Variants in TMEM132D observed in about 807,000 individuals in gnomAD.
TMEM132D encodes the protein mature OL transmembrane protein.
In TMEM132D, 21 loss-of-function variants were observed where a neutral mutation model predicts 62.3. The observed-to-expected ratio is 0.34, with a 90% confidence interval of 0.24 to 0.49. TMEM132D has a LOEUF of 0.49. TMEM132D is among the 20% of genes least tolerant of loss of function. TMEM132D has a pLI of 0.99. For synonymous variants in TMEM132D, 621 were observed against 575.6 expected (o/e 1.08, Z -1.13); for missense variants, 1,346 against 1,402.8 (o/e 0.96, Z 0.65).
intron 5 of TMEM132D, among the ~76,000 whole-genome samples, chr12:129,189,961 G>T (rs1878337214): frequency 6.6e-6 from 1 of 151,892 alleles, no homozygotes; most frequent in Non-Finnish European, 1.5e-5. Flanking sequence ...CTTAAAAGTG[G>T]AAGAGGGAGG....
chr12:129,112,726 A>T (rs1164568121), intron 5 of TMEM132D, among the ~76,000 whole-genome samples: 1 of 152,208 alleles, frequency 6.6e-6, no homozygotes, highest in Non-Finnish European at 1.5e-5. Context: ...ACACTAGGAG[A>T]CTAGGAGTGC....
chr12:129,324,011 A>AT (rs1406992338), intron 4 of TMEM132D, among the ~76,000 whole-genome samples: 2 of 151,726 alleles, frequency 1.3e-5, no homozygotes, highest in African/African-American at 2.4e-5. Flanking sequence ...CTGTCCTGTG[A>AT]TTTTTTGGCT....
In TMEM132D at chr12:129,841,381, T is replaced by C. The variant is rs550141410; in HGVS notation, c.79+61880A>G. Among the ~76,000 whole-genome samples, 138 of 152,332 alleles carry C rather than the reference T, an allele frequency of 9.1e-4. 1 individual carries two copies. The highest frequency in any genetic ancestry group is 3.0e-3 in the African/African-American group (125 of 41,562). On this transcript the variant is annotated intron_variant, in intron 1 of 8. Coordinates refer to ENST00000422113, the MANE Select transcript of TMEM132D (RefSeq NM_133448.3). ...CCCTCGTAAGATTGTCTAATTAGATTGAATGAGTTTTTATTTCATTCATTC... is the reference window on the plus strand; with the variant it reads ...CCCTCGTAAGATTGTCTAATTAGATCGAATGAGTTTTTATTTCATTCATTC...
chr12:129,171,896 T>C (rs1268662690), intron 5 of TMEM132D, among the ~76,000 whole-genome samples: 1 of 152,182 alleles, frequency 6.6e-6, no homozygotes, highest in Non-Finnish European at 1.5e-5. Flanking sequence ...ATTTGGGGAA[T>C]GCTAAATGAG....
At chr12:129,484,488 C>T (rs772991444) in intron 3 of TMEM132D, among the ~76,000 whole-genome samples, 23 of 152,154 alleles carry the variant, frequency 1.5e-4, no homozygotes, top group Non-Finnish European at 3.1e-4. Flanking sequence ...CTAGAAAGGT[C>T]GCAAAGATTC....
At chr12:129,499,743 G>A (rs1875070729) in intron 3 of TMEM132D, among the ~76,000 whole-genome samples, 1 of 152,214 alleles carries the variant, frequency 6.6e-6, no homozygotes, top group African/African-American at 2.4e-5. Flanking sequence ...GGTTAAATAT[G>A]AGGAAGGAAT....
intron 1 of TMEM132D, among the ~76,000 whole-genome samples, chr12:129,740,498 A>T (rs541899478): frequency 3.0e-4 from 45 of 152,330 alleles, no homozygotes; most frequent in African/African-American, 1.1e-3. Context: ...TTCTTCTCTC[A>T]TGATACACAT....
At chr12:129,754,435 C>T (rs1229611917) in intron 1 of TMEM132D, among the ~76,000 whole-genome samples, 1 of 152,154 alleles carries the variant, frequency 6.6e-6, no homozygotes, top group African/African-American at 2.4e-5. Flanking sequence ...CAAGGAAGAA[C>T]AGGAGAGCTG....
chr12:129,754,139 A>G (rs1259405960), intron 1 of TMEM132D, among the ~76,000 whole-genome samples: 1 of 152,206 alleles, frequency 6.6e-6, no homozygotes, highest in African/African-American at 2.4e-5. Flanking sequence ...AAGAGCGGGA[A>G]AAGTAGGTGC....
At chr12:129,639,382 TAA>T (rs34476667) in intron 2 of TMEM132D, among the ~76,000 whole-genome samples, 1,982 of 90,456 alleles carry the variant, frequency 0.022, 54 homozygotes, top group African/African-American at 0.078. Context: ...GACTCTGTCT[TAA>T]AAAAAAAAAA....
intron 5 of TMEM132D, among the ~76,000 whole-genome samples, chr12:129,186,736 G>C (rs11060189): frequency 0.28 from 42,192 of 152,128 alleles, 6,633 homozygotes; most frequent in East Asian, 0.54. Flanking sequence ...AACAGTGCCA[G>C]GATCAGAACA....
chr12:129,079,051 C>T (rs1196183410), intron 7 of TMEM132D, among the ~76,000 whole-genome samples: 1 of 152,202 alleles, frequency 6.6e-6, no homozygotes, highest in Non-Finnish European at 1.5e-5. Context: ...CGACTATTAG[C>T]TTTATGATTC....
intron 2 of TMEM132D, among the ~76,000 whole-genome samples, chr12:129,613,390 T>C (rs1183366673): frequency 3.3e-5 from 5 of 152,188 alleles, no homozygotes; most frequent in East Asian, 1.9e-4. Context: ...TCCATCCTCA[T>C]GCAAACAGAG....
intron 5 of TMEM132D, among the ~76,000 whole-genome samples, chr12:129,103,323 G>A (rs926434034): frequency 9.2e-5 from 14 of 152,166 alleles, no homozygotes; most frequent in African/African-American, 3.4e-4. Context: ...AGTTCACAGT[G>A]TCTCCAGCAC....
chr12:129,815,387 C>T (rs969400391), intron 1 of TMEM132D, among the ~76,000 whole-genome samples: 1 of 152,200 alleles, frequency 6.6e-6, no homozygotes, highest in African/African-American at 2.4e-5. Flanking sequence ...TTCCCTGCCA[C>T]TTCTCACAGT....
rs1593053732 is a variant in TMEM132D, at chr12:129,531,278, G to C, written c.969-73C>G. The C allele has an allele frequency of 6.7e-6, 10 of 1,494,694 alleles. No individual in the cohort carries two copies. The East Asian group carries it at 6.9e-5, about 10-fold the overall frequency. 92.6% of individuals were successfully genotyped at this position (1,494,694 alleles called of 1,614,324 possible). On this transcript the variant is annotated intron_variant, in intron 2 of 8. Transcript: ENST00000422113. ...CGGGTCATGCTGGTTCTGGGAACACGGGGAGCTTAATTGCTCACCGTTGCC... is the reference window on the plus strand; with the variant it reads ...CGGGTCATGCTGGTTCTGGGAACACCGGGAGCTTAATTGCTCACCGTTGCC...
chr12:129,807,116 A>C (rs1041987635), intron 1 of TMEM132D, among the ~76,000 whole-genome samples: 3 of 152,224 alleles, frequency 2.0e-5, no homozygotes, highest in African/African-American at 7.2e-5. Context: ...ATGAACATGA[A>C]GATTTTCTGA....
intron 3 of TMEM132D, among the ~76,000 whole-genome samples, chr12:129,445,783 T>A (rs1435624853): frequency 6.6e-6 from 1 of 152,086 alleles, no homozygotes; most frequent in Non-Finnish European, 1.5e-5. Context: ...CAATTTGTAT[T>A]CTTACTTGTT....
chr12:129,294,479 TC>T (rs5801843), intron 4 of TMEM132D, among the ~76,000 whole-genome samples: 43,289 of 151,774 alleles, frequency 0.29, 6,659 homozygotes, highest in East Asian at 0.46. Flanking sequence ...TCTCACCCAG[TC>T]TTTCAGCTGG....
Sources: allele counts gnomAD v4.1 joint callset (sites outside exome capture counted in the v4.1 genomes callset), GRCh38; gene constraint gnomAD v4.1.1; transcripts MANE v1.5; gene names NCBI Gene and HGNC (gene_info 2026-07-23, HGNC 2026-07-21).